NAV3: variants seen among roughly 807,000 people sequenced by gnomAD.
NAV3 encodes the protein pore membrane and/or filament interacting like protein 1.
Under a neutral mutation model 244.7 loss-of-function variants are expected in NAV3, and 87 were observed. The ratio of observed to expected loss-of-function variants is 0.36; its 90% CI spans 0.30 to 0.42. The LOEUF (loss-of-function observed/expected upper bound fraction) is 0.42. NAV3 is among the 20% of genes least tolerant of loss of function. The probability of loss-of-function intolerance (pLI) is 1.00; values close to 1 mark genes in which losing one functional copy is unlikely to be tolerated. For synonymous variants in NAV3, 1,126 were observed against 1,042.2 expected (o/e 1.08, Z -1.55); for missense variants, 2,663 against 2,893.3 (o/e 0.92, Z 1.83).
rs74106544 is a variant in NAV3, at chr12:77,783,916, G to A, written c.73-156403G>A. On this transcript the variant is annotated intron_variant, in intron 2 of 8. Transcript: ENST00000550042. ...GTTGGTGACTTTTTCATGGGTGTGTGTGTCAGGGAAGAGGGTAAAATTATA... is the reference window on the plus strand; with the variant it reads ...GTTGGTGACTTTTTCATGGGTGTGTATGTCAGGGAAGAGGGTAAAATTATA... Among the ~76,000 whole-genome samples the A allele has an allele frequency of 5.7e-3, 866 of 152,248 alleles. 10 individuals are homozygous for A. Among genetic ancestry groups the A allele is most frequent in the African/African-American group, 0.02 (821 of 41,564 alleles).
chr12:78,088,238 C>G (rs2137956830), intron 12 of NAV3, among the ~76,000 whole-genome samples: 1 of 151,848 alleles, frequency 6.6e-6, no homozygotes, highest in South Asian at 2.1e-4. Context: ...GTTGATTGTT[C>G]TGAAATGCAT....
At chr12:77,961,623 A>C (rs546866682) in intron 3 of NAV3, among the ~76,000 whole-genome samples, 108 of 143,466 alleles carry the variant, frequency 7.5e-4, no homozygotes, top group Non-Finnish European at 1.4e-3. Flanking sequence ...ATTACTATAT[A>C]TGTAATATAT....
chr12:78,004,242 G>T (rs1873815262), intron 7 of NAV3, among the ~76,000 whole-genome samples: 1 of 152,156 alleles, frequency 6.6e-6, no homozygotes, highest in Non-Finnish European at 1.5e-5. Context: ...GAGATACCAT[G>T]TATGAAGTAC....
At position 77,968,589 on chromosome 12, in the gene NAV3, A is replaced by C. The variant is rs1565970761; in HGVS notation, c.558A>C (p.Gln186His). 3.1e-6 allele frequency: 5 copies of C among 1,614,028 alleles called. No individual in the cohort carries two copies. Among genetic ancestry groups the C allele is most frequent in the African/African-American group, 1.3e-5 (1 of 74,928 alleles). Residue 186 changes from glutamine (Q) to histidine (H), a missense_variant, in exon 5 of 40, where the codon CAA becomes CAC. Gln to His is a conservative substitution (Grantham distance 24). Transcript: ENST00000397909. ...FFSLSRYKQQQHHQQQYYQSL... is the reference protein window; with the variant it reads ...FFSLSRYKQQHHHQQQYYQSL... ...GTTTATCTCGCTACAAGCAGCAACA[A>C]CACCATCAACAACAGTACTATCAGT...
At chr12:77,656,090 C>T (rs759640702) in intron 2 of NAV3, among the ~76,000 whole-genome samples, 6 of 151,332 alleles carry the variant, frequency 4.0e-5, no homozygotes, top group Non-Finnish European at 8.8e-5. Context: ...ATGAGAGGTT[C>T]AAATTCACAC....
Position 77,711,450 on chromosome 12 carries a change from ATT to A in NAV3, c.72+139187_72+139188del, listed in dbSNP as rs1403090420. 6.6e-5 allele frequency among the ~76,000 whole-genome samples: 10 copies of A among 152,302 alleles called. No individual in the cohort carries two copies. The East Asian group carries it at 1.9e-3, about 29-fold the overall frequency. On this transcript the variant is annotated intron_variant, in intron 2 of 8. Transcript: ENST00000550042. ...TCAAAGCTGAGAGAATGTTGTGCTA[ATT>A]TTCTTTTTAATCTCTTTATTGCTGA...
chr12:77,801,006 T>C (rs1374415446), intron 2 of NAV3, among the ~76,000 whole-genome samples: 1 of 152,144 alleles, frequency 6.6e-6, no homozygotes, highest in African/African-American at 2.4e-5. Context: ...CTAGAACTGA[T>C]ATCTATTTCT....
At chr12:77,698,502 A>G (rs1343306363) in intron 2 of NAV3, among the ~76,000 whole-genome samples, 1 of 152,168 alleles carries the variant, frequency 6.6e-6, no homozygotes, top group Admixed American at 6.6e-5. Context: ...ATAGGGGTCC[A>G]GTGGATCTCT....
intron 11 of NAV3, among the ~76,000 whole-genome samples, chr12:78,054,773 A>G (rs543819072): frequency 4.6e-5 from 7 of 152,280 alleles, no homozygotes; most frequent in African/African-American, 1.7e-4. Context: ...GGAAAATAGT[A>G]CCGTTAGAGA....
chr12:77,654,617 C>A (rs369225017), intron 2 of NAV3, among the ~76,000 whole-genome samples: 1 of 152,126 alleles, frequency 6.6e-6, no homozygotes, highest in Non-Finnish European at 1.5e-5. Context: ...TCTCCCAGCA[C>A]GCAGCTGGAG....
At chr12:77,811,405 C>A (rs1043479784) in intron 2 of NAV3, among the ~76,000 whole-genome samples, 4 of 152,150 alleles carry the variant, frequency 2.6e-5, no homozygotes, top group African/African-American at 4.8e-5. Context: ...TTAAGGGAAG[C>A]CTTTCTTCAC....
rs368659738 is a variant in NAV3, at chr12:78,095,045, T to TTATATATATATA, written c.2637-21718_2637-21707dup. 1.0e-3 allele frequency among the ~76,000 whole-genome samples: 124 copies of TTATATATATATA among 123,864 alleles called. 1 individual carries two copies. The highest frequency in any genetic ancestry group is 3.5e-3 in the African/African-American group (122 of 35,266). 81.3% of individuals were successfully genotyped at this position (123,864 alleles called of 152,430 possible). On this transcript the variant is annotated intron_variant, in intron 12 of 39. Transcript: ENST00000397909. ...CCGGTGACAGAGACTCCATATCAAA[T>TTATATATATATA]TATATATATATATATATATACACAC...
intron 10 of NAV3, 48 bp downstream of exon 10, chr12:78,050,149 T>G: frequency 7.7e-7 from 1 of 1,299,816 alleles, no homozygotes; most frequent in Non-Finnish European, 1.1e-6. Flanking sequence ...AAAAAATAAT[T>G]ACAAACAAAC....
At chr12:77,764,246 T>C (rs1869631494) in intron 2 of NAV3, among the ~76,000 whole-genome samples, 1 of 152,240 alleles carries the variant, frequency 6.6e-6, no homozygotes, top group South Asian at 2.1e-4. Context: ...GCATTGTTTA[T>C]GTGTTTATTT....
intron 1 of NAV3, among the ~76,000 whole-genome samples, chr12:77,891,838 T>A (rs747903864): frequency 2.0e-5 from 3 of 152,212 alleles, no homozygotes; most frequent in Non-Finnish European, 2.9e-5. Context: ...AAGTGCTGGC[T>A]CCCTTGTCCA....
At chr12:78,134,002 C>T (rs955726256) in intron 18 of NAV3, among the ~76,000 whole-genome samples, 19 of 152,250 alleles carry the variant, frequency 1.2e-4, no homozygotes, top group Middle Eastern at 6.8e-3. Flanking sequence ...TGATAACAAT[C>T]GCTCAGATTC....
intron 11 of NAV3, among the ~76,000 whole-genome samples, chr12:78,056,862 G>GTTTC (rs1883588914): frequency 6.6e-6 from 1 of 152,338 alleles, no homozygotes; most frequent in East Asian, 1.9e-4. Flanking sequence ...GAATGAAGAT[G>GTTTC]TTTAATTTAG....
chr12:77,967,469 A>G (rs1319356307), intron 4 of NAV3, among the ~76,000 whole-genome samples: 3 of 152,102 alleles, frequency 2.0e-5, no homozygotes, highest in Non-Finnish European at 4.4e-5. Flanking sequence ...TTTTATATTA[A>G]TTATTTTACT....
At chr12:77,677,337 G>A (rs1874250291) in intron 2 of NAV3, among the ~76,000 whole-genome samples, 1 of 152,206 alleles carries the variant, frequency 6.6e-6, no homozygotes, top group Non-Finnish European at 1.5e-5. Context: ...TTAAATAGAT[G>A]AAAAAATGGA....
Sources: gnomAD v4.1 joint callset for allele counts (sites outside exome capture counted in the v4.1 genomes callset) on GRCh38, gnomAD v4.1.1 for gene constraint, MANE v1.5 for transcripts, NCBI Gene and HGNC (gene_info 2026-07-23, HGNC 2026-07-21) for gene names.